The following SH3TC1 variants were observed in gnomAD, a reference collection of about 807,000 sequenced individuals.
SH3TC1 encodes the protein SH3 domain and tetratricopeptide repeats 1.
Under a neutral mutation model 117.3 loss-of-function variants are expected in SH3TC1, and 135 were observed. That is an observed-to-expected ratio of 1.15 (90% confidence interval 1.00 to 1.33). SH3TC1 has a LOEUF of 1.33. SH3TC1 is among the 40% of genes most tolerant of loss of function. SH3TC1 has a pLI of 0.00. For missense variants in SH3TC1, 2,092 were observed against 1,794.3 expected, an observed-to-expected ratio of 1.17 and a Z score of -3.00; for synonymous variants, 898 against 816.9, an observed-to-expected ratio of 1.10 and a Z score of -1.69.
rs374101763 is a variant in SH3TC1, at chr4:8,228,283, C to T, written c.2589C>T (p.Gly863=). 24 of 1,612,180 alleles carry T rather than the reference C, an allele frequency of 1.5e-5. No individual in the cohort carries two copies. Among genetic ancestry groups the T allele is most frequent in the African/African-American group, 9.3e-5 (7 of 74,946 alleles). Residue 863 remains glycine, a synonymous_variant, in exon 12 of 18, where the codon GGC becomes GGT. Coordinates refer to ENST00000245105, the MANE Select transcript of SH3TC1 (RefSeq NM_018986.5). ...TGGTGGCCAGCGAGGACCAGGAGGGCGTGATTGCCAACATGGTGGCCGTGG... is the reference window on the plus strand; with the variant it reads ...TGGTGGCCAGCGAGGACCAGGAGGGTGTGATTGCCAACATGGTGGCCGTGG... ...DAVVASEDQE[G]VIANMVAVAL...
At chr4:8,221,013 G>T (rs1278876202) in intron 9 of SH3TC1, among the ~76,000 whole-genome samples, 1 of 152,212 alleles carries the variant, frequency 6.6e-6, no homozygotes, top group African/African-American at 2.4e-5. Flanking sequence ...TGATCCCAGG[G>T]ATTCCCAGCA....
intron 3 of SH3TC1, among the ~76,000 whole-genome samples, chr4:8,211,318 TC>T (rs201687988): frequency 0.079 from 1,266 of 15,978 alleles, 263 homozygotes; most frequent in South Asian, 0.15. Flanking sequence ...TCCCTCCTTC[TC>T]CCCCTCCCGG....
Position 8,237,685 on chromosome 4 carries a change from G to A in SH3TC1, c.3753+15G>A, listed in dbSNP as rs1374820894. The A allele has an allele frequency of 1.3e-6, 2 of 1,584,370 alleles. No homozygotes were observed. The highest frequency in any genetic ancestry group is 1.7e-6 in the Non-Finnish European group (2 of 1,162,566). On this transcript the variant is annotated intron_variant, in intron 17 of 17. Coordinates refer to ENST00000245105, the MANE Select transcript of SH3TC1 (RefSeq NM_018986.5). Reference sequence around the variant, plus strand: ...ACGACCTGAAGGTGGGTGGGGAGGGGCTGGGCTCAGGGTGTTCCCGGCCCC... The same window carrying A: ...ACGACCTGAAGGTGGGTGGGGAGGGACTGGGCTCAGGGTGTTCCCGGCCCC...
In SH3TC1 at chr4:8,227,936, G is replaced by A; in HGVS notation, c.2242G>A (p.Val748Met). ...CTCGCTGGCCGGCTCGCTGAGGAGT[G>A]TGAACCTGGTGCTCCAGAACGCCCC... Reference protein sequence around the residue: ...RGSLAGSLRSVNLVLQNAPQP... With the variant: ...RGSLAGSLRSMNLVLQNAPQP... Residue 748 changes from valine (V) to methionine (M), a missense_variant, in exon 12 of 18, where the codon GTG (valine) becomes ATG (methionine). Transcript: ENST00000245105. 3 of 1,612,592 alleles carry A rather than the reference G, an allele frequency of 1.9e-6. No homozygotes were observed. The highest frequency in any genetic ancestry group is 2.5e-6 in the Non-Finnish European group (3 of 1,179,940).
chr4:8,205,260 C>A lies in SH3TC1; in HGVS notation c.66C>A (p.Pro22=). ...PTPMGRGPVG[P]SGGGSTRDQV... ...CCATGGGGAGGGGTCCTGTGGGACC[C>A]TCAGGAGGTGGCAGCACCCGGGACC... The change falls in exon 2 of 18, where the codon CCC becomes CCA. Residue 22 remains proline, a synonymous_variant. Coordinates refer to ENST00000245105, the MANE Select transcript of SH3TC1 (RefSeq NM_018986.5). This position sits in a 1 kb window ranked among gnomAD's most constrained non-coding sequence, Gnocchi z 5.4. The A allele has an allele frequency of 6.4e-7, 1 of 1,550,636 alleles. No homozygotes were observed. Among genetic ancestry groups the A allele is most frequent in the Non-Finnish European group, 8.7e-7 (1 of 1,147,148 alleles).
chr4:8,202,722 T>C (rs189529212), intron 1 of SH3TC1, among the ~76,000 whole-genome samples: 1 of 152,144 alleles, frequency 6.6e-6, no homozygotes. Flanking sequence ...ACTCTGAGCA[T>C]CCCCAGGGAG....
At chr4:8,200,487 T>G (rs540764191) in intron 1 of SH3TC1, among the ~76,000 whole-genome samples, 1 of 152,312 alleles carries the variant, frequency 6.6e-6, no homozygotes. Flanking sequence ...TGGCCATAAT[T>G]ATGTGACTGT....
At chr4:8,191,991 AT>A (rs1561672597) in intron 1 of SH3TC1, among the ~76,000 whole-genome samples, 18 of 32,912 alleles carry the variant, frequency 5.5e-4, no homozygotes, top group African/African-American at 1.4e-3. Context: ...TTATTTATTT[AT>A]TTATTTATTA....
Position 8,214,556 on chromosome 4 carries a change from A to G in SH3TC1, c.457A>G (p.Lys153Glu), listed in dbSNP as rs774492033. 4 of 1,613,740 alleles carry G rather than the reference A, an allele frequency of 2.5e-6. No individual in the cohort carries two copies. In the Admixed American group the frequency reaches 6.7e-5, roughly 27 times the overall value. ...GTTTAAGACTTTTGAAGAAATCTGG[A>G]AGTTTTCCACCTACCATGCTCTCGG... ...VTFKTFEEIW[K>E]FSTYHALGFT... The change falls in exon 5 of 18, where the codon AAG (lysine) becomes GAG (glutamate). Residue 153 changes from lysine to glutamate, a missense_variant. Physicochemically the swap from Lys to Glu is moderately conservative, Grantham distance 56. Coordinates refer to ENST00000245105, the MANE Select transcript of SH3TC1 (RefSeq NM_018986.5).
rs1281143 is a variant in SH3TC1, at chr4:8,225,365, T to G, written c.1285+149T>G. ...GGCTGGGGGCTTGGGGGAGGTTGCCTGAGGTGGGCCTGAACCTCCCGTCCA... is the reference window on the plus strand; with the variant it reads ...GGCTGGGGGCTTGGGGGAGGTTGCCGGAGGTGGGCCTGAACCTCCCGTCCA... On this transcript the variant is annotated intron_variant, in intron 11 of 17. Transcript: ENST00000245105. The surrounding 1 kb of genome is among the most constrained non-coding windows in gnomAD (Gnocchi z 5.5). 0.25 allele frequency: 210,197 copies of G among 847,106 alleles called. 29,344 individuals are homozygous for G. Among genetic ancestry groups the G allele is most frequent in the South Asian group, 0.3 (17,826 of 59,986 alleles). The allele number at this position is 847,106 out of a possible 1,614,324, so 52.5% of individuals were successfully genotyped here.
rs1205430413 is a variant in SH3TC1, at chr4:8,194,252, C to T, written c.-57+12042C>T. ...GGCTGGGGGCTTCACGCTGCTCTGT[C>T]CCAGGTGGGCCAGATTTGGGCTTTC... On this transcript the variant is annotated intron_variant, in intron 1 of 16. Transcript: ENST00000508641. 4.6e-5 allele frequency among the ~76,000 whole-genome samples: 7 copies of T among 152,168 alleles called. No individual in the cohort carries two copies. In the East Asian group the frequency reaches 1.3e-3, roughly 29 times the overall value.
chr4:8,233,456 A>T lies in SH3TC1; in HGVS notation c.3225A>T (p.Gln1075His), dbSNP rs1432829648. 1.9e-6 allele frequency: 3 copies of T among 1,613,840 alleles called. No homozygotes were observed. In the African/African-American group the frequency reaches 4.0e-5, roughly 22 times the overall value. Reference sequence around the variant, plus strand: ...AGAAGGAGGCGCATGCCTGGCTGCAAGCAGGGAAGATCTATTACATCTTGC... The same window carrying T: ...AGAAGGAGGCGCATGCCTGGCTGCATGCAGGGAAGATCTATTACATCTTGC... ...KKEKEAHAWLQAGKIYYILRQ... is the reference protein window; with the variant it reads ...KKEKEAHAWLHAGKIYYILRQ... Residue 1075 changes from glutamine (Q) to histidine (H), a missense_variant, in exon 14 of 18, where the codon CAA (glutamine) becomes CAT (histidine). By Grantham distance (24) the Gln-to-His change is conservative. Coordinates refer to ENST00000245105, the MANE Select transcript of SH3TC1 (RefSeq NM_018986.5).
rs1176970721 is a variant in SH3TC1 at position 8,228,236 on chromosome 4, C to A, written c.2542C>A (p.Leu848Met). The A allele has an allele frequency of 1.9e-6, 3 of 1,609,786 alleles. No homozygotes were observed. Among genetic ancestry groups the A allele is most frequent in the African/African-American group, 2.7e-5 (2 of 74,906 alleles). Reference sequence around the variant, plus strand: ...GCAGAGCCCGGTGGCCCTGGACATCCTGCAGTCTGTCCGGGATGCAGTGGT... The same window carrying A: ...GCAGAGCCCGGTGGCCCTGGACATCATGCAGTCTGTCCGGGATGCAGTGGT... ...HGQSPVALDILQSVRDAVVAS... is the reference protein window; with the variant it reads ...HGQSPVALDIMQSVRDAVVAS... Residue 848 changes from leucine (L) to methionine (M), a missense_variant, in exon 12 of 18, where the codon CTG becomes ATG. By Grantham distance (15) the Leu-to-Met change is conservative (BLOSUM62 2). Coordinates refer to ENST00000245105, the MANE Select transcript of SH3TC1 (RefSeq NM_018986.5).
chr4:8,193,863 C>A (rs1456485680), intron 1 of SH3TC1, among the ~76,000 whole-genome samples: 1 of 152,242 alleles, frequency 6.6e-6, no homozygotes, highest in Non-Finnish European at 1.5e-5. Context: ...GTCCGGATCA[C>A]CTTCTGAGCC....
intron 16 of SH3TC1, 200 bp downstream of exon 16, chr4:8,236,628 G>A: frequency 1.8e-6 from 1 of 554,606 alleles, no homozygotes; most frequent in Non-Finnish European, 2.9e-6. Context: ...TCCCTGCCTG[G>A]CTGAGCTCTG....
chr4:8,239,259 A>C (rs1722096703), intron 17 of SH3TC1, among the ~76,000 whole-genome samples: 1 of 150,464 alleles, frequency 6.6e-6, no homozygotes, highest in Non-Finnish European at 1.5e-5. Flanking sequence ...ACACACACAC[A>C]CACACAGAGA....
upstream of SH3TC1, among the ~76,000 whole-genome samples, chr4:8,197,256 A>G (rs1717582939): frequency 6.6e-6 from 1 of 152,022 alleles, no homozygotes; most frequent in Admixed American, 6.6e-5. Flanking sequence ...CCTCCCCTGG[A>G]GCTTCTGGAG....
chr4:8,222,964 A>G lies in SH3TC1; in HGVS notation c.1237A>G (p.Ser413Gly), dbSNP rs1253321004. The part of the protein sequence containing the change: ...MSGTDVCSVY[S>G]LDSVEEAETE... Reference sequence around the variant, plus strand: ...GGGCACCGATGTCTGCAGCGTGTACAGCCTGGGTGCGTGTGGGCGATGCCT... The same window carrying G: ...GGGCACCGATGTCTGCAGCGTGTACGGCCTGGGTGCGTGTGGGCGATGCCT... The change falls in exon 10 of 18, where the codon AGC becomes GGC. Residue 413 changes from serine (S) to glycine (G), a missense_variant. Physicochemically the swap from Ser to Gly is moderately conservative, Grantham distance 56. Coordinates refer to ENST00000245105, the MANE Select transcript of SH3TC1 (RefSeq NM_018986.5). 1.9e-6 allele frequency: 3 copies of G among 1,609,936 alleles called. No individual in the cohort carries two copies. Among genetic ancestry groups the G allele is most frequent in the Non-Finnish European group, 2.5e-6 (3 of 1,177,804 alleles).
At chr4:8,199,556 G>A (rs560359210) in intron 1 of SH3TC1, among the ~76,000 whole-genome samples, 151 bp downstream of exon 1, 4 of 152,326 alleles carry the variant, frequency 2.6e-5, no homozygotes, top group Admixed American at 6.5e-5. Flanking sequence ...TGGGGGCCTC[G>A]GGGAGGTCGT....
Sources: gnomAD v4.1 joint callset for allele counts (sites outside exome capture counted in the v4.1 genomes callset) on GRCh38, gnomAD v4.1.1 for gene constraint, Gnocchi (gnomAD v3.1) non-coding constraint, MANE v1.5 for transcripts, NCBI Gene and HGNC (gene_info 2026-07-23, HGNC 2026-07-21) for gene names.